Variants in COL4A5 observed in about 807,000 individuals in gnomAD.
COL4A5 encodes the protein collagen type IV alpha 5 chain, also known as collagen alpha-5(IV) chain.
COL4A5 carries 26 observed loss-of-function variants against 130.2 expected under a neutral mutation model. The observed-to-expected ratio is 0.20, with a 90% CI of 0.15 to 0.28. COL4A5 has a LOEUF of 0.28. Among genes scored for constraint, COL4A5 ranks in the 10% least tolerant of loss-of-function variants. The pLI, the probability that COL4A5 is intolerant of heterozygous loss-of-function variation, is 1.00. For missense variants in COL4A5, 1,131 were observed against 1,344.3 expected, an observed-to-expected ratio of 0.84 and a Z score of 2.48; for synonymous variants, 496 against 439.6, an observed-to-expected ratio of 1.13 and a Z score of -1.60.
chrX:108,614,694 A>C (rs1232572965), intron 29 of COL4A5, among the ~76,000 whole-genome samples: 1 of 112,077 alleles, frequency 8.9e-6, no homozygotes, highest in African/African-American at 3.2e-5. Flanking sequence ...TTTCTTGTGA[A>C]GTTGATTTAA....
Position 108,692,771 on chromosome X carries a change from C to T in COL4A5, c.4552C>T (p.Arg1518Cys), listed in dbSNP as rs979462661. 4 of 1,209,494 alleles carry T rather than the reference C, an allele frequency of 3.3e-6. No individual in the cohort carries two copies. Among genetic ancestry groups the T allele is most frequent in the East Asian group, 3.0e-5 (1 of 33,761 alleles). ...AGGGACGGCTGGCAGCTGCCTTCGTCGCTTTAGTACCATGCCTTTCATGTT... is the reference window on the plus strand; with the variant it reads ...AGGGACGGCTGGCAGCTGCCTTCGTTGCTTTAGTACCATGCCTTTCATGTT... ...DLGTAGSCLR[R>C]FSTMPFMFCN... Residue 1518 changes from arginine (R) to cysteine (C), a missense_variant, in exon 50 of 53, where the codon CGC (arginine) becomes TGC (cysteine). Coordinates refer to ENST00000328300, the MANE Select transcript of COL4A5 (RefSeq NM_033380.3).
At chrX:108,629,280 G>A (rs1372406792) in intron 36 of COL4A5, among the ~76,000 whole-genome samples, 1 of 111,571 alleles carries the variant, frequency 9.0e-6, no homozygotes, top group African/African-American at 3.3e-5. Flanking sequence ...GAATCGGGGA[G>A]CAAATGGAAA....
In COL4A5 at chrX:108,622,762, C is replaced by G. The variant is rs2067082091; in HGVS notation, c.2854C>G (p.Pro952Ala). ...SKGEPGLPGP[P>A]GPMDPNLLGS... ...AGGAGAGCCTGGCCTTCCAGGCCCT[C>G]CTGGACCAATGGATCCAAATCTTCT... Residue 952 changes from proline to alanine, a missense_variant, in exon 33 of 53, where the codon CCT becomes GCT. Coordinates refer to ENST00000328300, the MANE Select transcript of COL4A5 (RefSeq NM_033380.3). The G allele has an allele frequency of 8.3e-7, 1 of 1,210,975 alleles. No individual in the cohort carries two copies. The highest frequency in any genetic ancestry group is 1.8e-5 in the South Asian group (1 of 56,980).
chrX:108,601,038 C>G (rs952994068), intron 25 of COL4A5, among the ~76,000 whole-genome samples: 4 of 111,719 alleles, frequency 3.6e-5, no homozygotes, highest in African/African-American at 1.3e-4. Context: ...ATTCGTTTCA[C>G]TGATTCAAAT....
chrX:108,577,957 T>C lies in COL4A5; in HGVS notation c.615T>C (p.Pro205=). ...CTTTTGTCTTCTCTTCTTAGGGCCC[T>C]CCTGGTCCACCAGGACTTCCAGGAC... ...GPPGPPGLMG[P]PGPPGLPGPK... is the part of the protein sequence containing the mutation. Residue 205 remains proline (P), a synonymous_variant, in exon 11 of 53, where the codon CCT becomes CCC. Transcript: ENST00000328300. 8.4e-7 allele frequency: 1 copy of C among 1,192,369 alleles called. No homozygotes were observed. The highest frequency in any genetic ancestry group is 1.1e-6 in the Non-Finnish European group (1 of 879,042).
At chrX:108,569,895 TGGTCTC>T (rs2066034289) in intron 6 of COL4A5, among the ~76,000 whole-genome samples, 1 of 111,120 alleles carries the variant, frequency 9.0e-6, no homozygotes, top group African/African-American at 3.3e-5. Flanking sequence ...TTGGTCAGGC[TGGTCTC>T]GAATTCCTGA....
chrX:108,460,656 A>AT (rs751991149), intron 1 of COL4A5, among the ~76,000 whole-genome samples: 18,525 of 39,414 alleles, frequency 0.47, 6,405 homozygotes, highest in Non-Finnish European at 0.64. Flanking sequence ...CGCCTGGCAA[A>AT]TTTTTTTTTT....
chrX:108,439,902 A>T lies in COL4A5; in HGVS notation c.-224A>T, dbSNP rs1054153478. ...TGGACAGAAGGGAAAAGTTCTCCTG[A>T]GAGACCGGCTTTGGGGAGGGGAGGG... On this transcript the variant is annotated 5_prime_UTR_variant, in exon 1 of 53. Transcript: ENST00000328300. 2.4e-6 allele frequency: 1 copy of T among 420,436 alleles called. No homozygotes were observed. Among genetic ancestry groups the T allele is most frequent in the African/African-American group, 2.5e-5 (1 of 39,372 alleles). 34.6% of individuals were successfully genotyped at this position (420,436 alleles called of 1,213,427 possible). A position where few individuals can be genotyped will look rare whatever the true frequency, so the allele number is the denominator to read the frequency against.
intron 36 of COL4A5, among the ~76,000 whole-genome samples, chrX:108,649,853 G>A (rs1054800832): frequency 9.0e-6 from 1 of 111,450 alleles, no homozygotes; most frequent in Non-Finnish European, 1.9e-5. Flanking sequence ...CTTAGGCAGA[G>A]ATTTTATGAC....
rs746425153 is a variant in COL4A5 at position 108,626,198 on chromosome X, T to C, written c.3107-12T>C. The C allele has an allele frequency of 7.5e-6, 9 of 1,205,185 alleles. No homozygotes were observed. In the South Asian group the frequency reaches 1.6e-4, roughly 21 times the overall value. ...ATTTTGTAAAATATTATATATCACATATTTTCAACAGGGCCTCAGGGTGTG... is the reference window on the plus strand; with the variant it reads ...ATTTTGTAAAATATTATATATCACACATTTTCAACAGGGCCTCAGGGTGTG... On this transcript the variant is annotated splice_polypyrimidine_tract_variant and intron_variant, in intron 35 of 52. Transcript: ENST00000328300.
chrX:108,508,290 G>A (rs2065145687), intron 1 of COL4A5, among the ~76,000 whole-genome samples: 1 of 110,380 alleles, frequency 9.1e-6, no homozygotes. Context: ...ATTCACAATT[G>A]CCACAAAAAG....
intron 13 of COL4A5, among the ~76,000 whole-genome samples, chrX:108,579,450 T>C: frequency 8.9e-6 from 1 of 112,243 alleles, no homozygotes; most frequent in African/African-American, 3.2e-5. Flanking sequence ...GTTATTTCCA[T>C]TTTTGGCTAT....
At chrX:108,606,398 C>T (rs1269414637) in intron 28 of COL4A5, among the ~76,000 whole-genome samples, 1 of 111,420 alleles carries the variant, frequency 9.0e-6, no homozygotes, top group Non-Finnish European at 1.9e-5. Flanking sequence ...TGTTATCATA[C>T]TTAGTAAAAT....
chrX:108,495,263 G>A (rs1025038957), intron 1 of COL4A5, among the ~76,000 whole-genome samples: 3 of 110,232 alleles, frequency 2.7e-5, no homozygotes, highest in African/African-American at 9.9e-5. Flanking sequence ...ACAATAAAAC[G>A]TTTAGAAAAA....
intron 49 of COL4A5, chrX:108,690,105 T>C: frequency 1.8e-6 from 1 of 555,496 alleles, no homozygotes; most frequent in Non-Finnish European, 2.2e-6. Flanking sequence ...AGCACTTTCA[T>C]GTCCATTGTC....
chrX:108,598,613 G>T, intron 24 of COL4A5, 89 bp from the exon 25 acceptor site: 2 of 836,833 alleles, frequency 2.4e-6, no homozygotes, highest in South Asian at 4.2e-5. Context: ...ACTATTTATG[G>T]CTATATCCTT....
chrX:108,532,005 C>T (rs1311882658), intron 1 of COL4A5, among the ~76,000 whole-genome samples: 3 of 111,061 alleles, frequency 2.7e-5, no homozygotes, highest in African/African-American at 6.5e-5. Context: ...TTCTAACAAT[C>T]GTACAAGACA....
rs113710904 is a variant in COL4A5, at chrX:108,586,945, G to A, written c.1165+198G>A. On this transcript the variant is annotated intron_variant, in intron 19 of 52. Coordinates refer to ENST00000328300, the MANE Select transcript of COL4A5 (RefSeq NM_033380.3). ...TACTTTAAAAAAGCCCAAGTGAATA[G>A]TGTCCTTTAATCCTAAGATTCCTAT... Among the ~76,000 whole-genome samples, 811 of 110,072 alleles carry A rather than the reference G, an allele frequency of 7.4e-3. 4 individuals are homozygous for A. Among genetic ancestry groups the A allele is most frequent in the East Asian group, 0.038 (132 of 3,513 alleles).
At chrX:108,469,069 T>G in intron 1 of COL4A5, among the ~76,000 whole-genome samples, 1 of 110,720 alleles carries the variant, frequency 9.0e-6, no homozygotes, top group African/African-American at 3.3e-5. Flanking sequence ...TTTCTTGAGT[T>G]AGTTTAGGTA....
Sources: allele counts gnomAD v4.1 joint callset (sites outside exome capture counted in the v4.1 genomes callset), GRCh38; gene constraint gnomAD v4.1.1; transcripts MANE v1.5; gene names NCBI Gene and HGNC (gene_info 2026-07-23, HGNC 2026-07-21).